Variants in PAX2 observed in about 807,000 individuals in gnomAD.
PAX2 encodes the protein paired box protein Pax-2.
Under a neutral mutation model 41.7 loss-of-function variants are expected in PAX2, and 9 were observed. The ratio of observed to expected loss-of-function variants is 0.22; its 90% CI spans 0.13 to 0.38. PAX2 has a LOEUF of 0.38. Ranked by LOEUF, PAX2 falls within the 10% of genes least tolerant of loss-of-function variation. The probability of loss-of-function intolerance (pLI) is 1.00; values close to 1 mark genes in which losing one functional copy is unlikely to be tolerated. For missense variants in PAX2, 418 were observed against 531.6 expected (o/e 0.79, Z 2.10); for synonymous variants, 221 against 212.7 (o/e 1.04, Z -0.34).
At chr10:100,742,529 A>G (rs1047252461), upstream of PAX2, among the ~76,000 whole-genome samples, 8 of 152,206 alleles carry the variant, frequency 5.3e-5, no homozygotes, top group African/African-American at 1.9e-4. Flanking sequence ...GCCGAGATCC[A>G]CAAGGAAGAT....
At chr10:100,751,844 C>T (rs1231320568) in intron 3 of PAX2, among the ~76,000 whole-genome samples, 1 of 152,128 alleles carries the variant, frequency 6.6e-6, no homozygotes, top group South Asian at 2.1e-4. Flanking sequence ...TTCACAGAGT[C>T]CCTGCACAAG....
At chr10:100,813,363 C>T (rs1485955985) in intron 7 of PAX2, among the ~76,000 whole-genome samples, 2 of 152,190 alleles carry the variant, frequency 1.3e-5, no homozygotes, top group African/African-American at 4.8e-5. Context: ...TAAAATATAA[C>T]AACAAAAATG....
chr10:100,749,265 G>T lies in PAX2; in HGVS notation c.44-481G>T, dbSNP rs552225656. ...TCTGTGCTAGGAGCTCGGATAAACA[G>T]TCAGCCGAGCCTCGACGCCCCCAAA... On this transcript the variant is annotated intron_variant, in intron 1 of 9. Transcript: ENST00000355243. 1.1e-4 allele frequency: 110 copies of T among 994,972 alleles called. 2 individuals are homozygous for T. The South Asian group carries it at 4.1e-3, about 38-fold the overall frequency. 61.6% of individuals were successfully genotyped at this position (994,972 alleles called of 1,614,324 possible).
chr10:100,800,273 CTTTTTTT>C (rs59487758), intron 5 of PAX2, among the ~76,000 whole-genome samples: 10 of 108,384 alleles, frequency 9.2e-5, no homozygotes, highest in South Asian at 2.8e-4. Flanking sequence ...TCTTTTCTTT[CTTTTTTT>C]TTTTTTTTTT....
At chr10:100,749,525 A>G in intron 1 of PAX2, 2 of 1,350,502 alleles carry the variant, frequency 1.5e-6, no homozygotes, top group East Asian at 2.9e-5. Flanking sequence ...GCAAGGCCTG[A>G]GTCGCCCTCT....
intron 1 of PAX2, among the ~76,000 whole-genome samples, chr10:100,736,947 T>A (rs756160384): frequency 6.6e-6 from 1 of 152,220 alleles, no homozygotes; most frequent in Non-Finnish European, 1.5e-5. Flanking sequence ...CTCGACCGTA[T>A]AAATATTCAG....
In PAX2 at chr10:100,748,438, G is replaced by T. The variant is rs375492570; in HGVS notation, c.44-1308G>T. 195 of 985,156 alleles carry T rather than the reference G, an allele frequency of 2.0e-4. 2 individuals are homozygous for T. The South Asian group carries it at 7.7e-3, about 39-fold the overall frequency. The allele number at this position is 985,156 out of a possible 1,614,324, so 61.0% of individuals were successfully genotyped here. A position where few individuals can be genotyped will look rare whatever the true frequency, so the allele number is the denominator to read the frequency against. ...TTGCTCTAGGTACCCCCCGAGAAAG[G>T]GAGGGGAGAGAAATGAGGGGGGCAC... is the stretch of plus-strand genomic sequence containing the variant. On this transcript the variant is annotated intron_variant, in intron 1 of 9. Coordinates refer to ENST00000355243, the MANE Select transcript of PAX2 (RefSeq NM_000278.5). The surrounding 1 kb of genome is among the most constrained non-coding windows in gnomAD (Gnocchi z 5.0).
Position 100,824,622 on chromosome 10 carries a change from A to T in PAX2, c.920-26A>T. On this transcript the variant is annotated intron_variant, in intron 7 of 9. Transcript: ENST00000355243. The surrounding 1 kb of genome is among the most constrained non-coding windows in gnomAD (Gnocchi z 6.6). ...GGCAGGCCCCTTTCTTCCAGGCCTC[A>T]CCCCTTCCCCTTTGTGTTTTTCCAG... is the stretch of plus-strand genomic sequence containing the variant. 6.7e-7 allele frequency: 1 copy of T among 1,485,784 alleles called. No homozygotes were observed. The highest frequency in any genetic ancestry group is 9.4e-7 in the Non-Finnish European group (1 of 1,062,826). 92.0% of individuals were successfully genotyped at this position (1,485,784 alleles called of 1,614,324 possible).
At chr10:100,785,810 G>C (rs140695967) in intron 5 of PAX2, among the ~76,000 whole-genome samples, 2 of 152,304 alleles carry the variant, frequency 1.3e-5, no homozygotes, top group East Asian at 3.9e-4. Flanking sequence ...GGCATGGATG[G>C]GCAGTGGGGC....
In PAX2 at chr10:100,826,814, C is replaced by T. The variant is rs1334923185; in HGVS notation, c.1022-195C>T. On this transcript the variant is annotated intron_variant, in intron 8 of 9. Coordinates refer to ENST00000355243, the MANE Select transcript of PAX2 (RefSeq NM_000278.5). This position sits in a 1 kb window ranked among gnomAD's most constrained non-coding sequence, Gnocchi z 5.5. ...GTGCGAGCGCGTCGGTGCCTCCCGC[C>T]TCCCCGGGCTCTCTCCACGCGGACG... 6.6e-6 allele frequency among the ~76,000 whole-genome samples: 1 copy of T among 152,206 alleles called. No individual in the cohort carries two copies. The highest frequency in any genetic ancestry group is 1.9e-4 in the East Asian group (1 of 5,170).
intron 5 of PAX2, among the ~76,000 whole-genome samples, chr10:100,792,267 A>T (rs1413616725): frequency 4.6e-5 from 7 of 152,234 alleles, no homozygotes; most frequent in Non-Finnish European, 1.5e-5. Flanking sequence ...GCACAAGCAC[A>T]TGGGTTCGTG....
Position 100,750,617 on chromosome 10 carries a change from A to G in PAX2, c.213-77A>G. The G allele has an allele frequency of 7.7e-7, 1 of 1,291,586 alleles. No individual in the cohort carries two copies. Among genetic ancestry groups the G allele is most frequent in the Non-Finnish European group, 1.1e-6 (1 of 901,164 alleles). 80.0% of individuals were successfully genotyped at this position (1,291,586 alleles called of 1,614,324 possible). On this transcript the variant is annotated intron_variant, in intron 2 of 9. Transcript: ENST00000355243. This position sits in a 1 kb window ranked among gnomAD's most constrained non-coding sequence, Gnocchi z 4.1. ...CCTCGGCCGGGCAGGAGAGTGGCTCAGCAGCTCTGGAACCTGCAGCCCCCC... is the reference window on the plus strand; with the variant it reads ...CCTCGGCCGGGCAGGAGAGTGGCTCGGCAGCTCTGGAACCTGCAGCCCCCC...
chr10:100,744,651 C>T (rs1014718851), upstream of PAX2, among the ~76,000 whole-genome samples: 1 of 152,226 alleles, frequency 6.6e-6, no homozygotes, highest in African/African-American at 2.4e-5. Flanking sequence ...AGCCTCGTCT[C>T]CCACATCCTC....
chr10:100,815,128 CT>C (rs1848144565), intron 7 of PAX2, among the ~76,000 whole-genome samples: 1 of 152,178 alleles, frequency 6.6e-6, no homozygotes, highest in Admixed American at 6.5e-5. Flanking sequence ...TCCTGAGGAC[CT>C]CCAGGAACTG....
rs536202250 is a variant in PAX2, at chr10:100,812,701, C to G, written c.919+3465C>G. Among the ~76,000 whole-genome samples the G allele has an allele frequency of 2.0e-5, 3 of 152,296 alleles. No individual in the cohort carries two copies. In the South Asian group the frequency reaches 6.2e-4, roughly 32 times the overall value. ...TTGACCCCCCCTCCCCATGTCTGGC[C>G]GGGGCTCCAGTGACAAAGGAGCATG... On this transcript the variant is annotated intron_variant, in intron 7 of 9. Coordinates refer to ENST00000355243, the MANE Select transcript of PAX2 (RefSeq NM_000278.5).
chr10:100,770,073 A>G (rs962589861), intron 3 of PAX2, among the ~76,000 whole-genome samples: 1 of 152,198 alleles, frequency 6.6e-6, no homozygotes, highest in Non-Finnish European at 1.5e-5. Flanking sequence ...AGACAGAGAA[A>G]GACTGACGGA....
intron 3 of PAX2, among the ~76,000 whole-genome samples, chr10:100,773,963 C>A (rs1265651961): frequency 7.2e-5 from 11 of 152,074 alleles, no homozygotes; most frequent in Non-Finnish European, 1.3e-4. Flanking sequence ...ACTCACATAG[C>A]CACGGTGGGA....
intron 5 of PAX2, among the ~76,000 whole-genome samples, chr10:100,798,276 C>A (rs1221811910): frequency 1.3e-5 from 2 of 151,904 alleles, no homozygotes; most frequent in Non-Finnish European, 2.9e-5. Flanking sequence ...CTACCACACC[C>A]AGCTAATTTT....
chr10:100,742,407 C>G (rs1162897650), upstream of PAX2, among the ~76,000 whole-genome samples: 5 of 151,934 alleles, frequency 3.3e-5, no homozygotes, highest in Non-Finnish European at 7.4e-5. Context: ...CAGGCGCGGC[C>G]CAGCCAGAAA....
Sources: gnomAD v4.1 joint callset for allele counts (sites outside exome capture counted in the v4.1 genomes callset) on GRCh38, gnomAD v4.1.1 for gene constraint, Gnocchi (gnomAD v3.1) non-coding constraint, MANE v1.5 for transcripts, NCBI Gene and HGNC (gene_info 2026-07-23, HGNC 2026-07-21) for gene names.